KCNH1: variants seen among roughly 807,000 people sequenced by gnomAD.
KCNH1 encodes voltage-gated delayed rectifier potassium channel KCNH1.
In KCNH1, 27 loss-of-function variants were observed where a neutral mutation model predicts 69.2. The ratio of observed to expected loss-of-function variants is 0.39; its 90% confidence interval spans 0.29 to 0.54. The LOEUF is 0.54. Ranked by LOEUF, KCNH1 falls within the 20% of genes least tolerant of loss-of-function variation. KCNH1 has a pLI of 0.68. For synonymous variants in KCNH1, 456 were observed against 487.7 expected (o/e 0.93, Z 0.86); for missense variants, 798 against 1,261.6 (o/e 0.63, Z 5.57).
At chr1:210,979,649 T>A (rs1391968933) in intron 6 of KCNH1, among the ~76,000 whole-genome samples, 1 of 152,218 alleles carries the variant, frequency 6.6e-6, no homozygotes, top group Non-Finnish European at 1.5e-5. Flanking sequence ...GTCATTTTTA[T>A]AATTTTTCCT....
At chr1:211,123,715 A>C (rs1444716169) in intron 1 of KCNH1, among the ~76,000 whole-genome samples, 1 of 152,218 alleles carries the variant, frequency 6.6e-6, no homozygotes, top group African/African-American at 2.4e-5. Flanking sequence ...AGGCCCACAG[A>C]GTACAAAAGC....
intron 9 of KCNH1, among the ~76,000 whole-genome samples, chr1:210,783,071 T>C (rs1395841893): frequency 6.6e-6 from 1 of 152,208 alleles, no homozygotes; most frequent in Non-Finnish European, 1.5e-5. Flanking sequence ...GTTCAATAAA[T>C]AGTAGCCACC....
At position 210,683,214 on chromosome 1, in the gene KCNH1, T is replaced by G; in HGVS notation, c.*67A>C. 6.9e-7 allele frequency: 1 copy of G among 1,455,298 alleles called. No individual in the cohort carries two copies. The highest frequency in any genetic ancestry group is 9.3e-7 in the Non-Finnish European group (1 of 1,070,122). 90.1% of individuals were successfully genotyped at this position (1,455,298 alleles called of 1,614,324 possible). ...AAATTGTTGGTCATGTGGACATATG[T>G]GGTAGGGGTGGTGGTGACGGCAGGG... On this transcript the variant is annotated 3_prime_UTR_variant, in exon 11 of 11. Transcript: ENST00000271751. The surrounding 1 kb of genome is among the most constrained non-coding windows in gnomAD (Gnocchi z 5.7).
At chr1:211,040,025 T>C (rs372292448) in intron 5 of KCNH1, among the ~76,000 whole-genome samples, 17 of 151,684 alleles carry the variant, frequency 1.1e-4, no homozygotes, top group Non-Finnish European at 1.8e-4. Context: ...CCGTCTCTAC[T>C]AAAAAAATAC....
At chr1:211,047,087 T>C (rs1690105568) in intron 5 of KCNH1, among the ~76,000 whole-genome samples, 1 of 152,220 alleles carries the variant, frequency 6.6e-6, no homozygotes, top group South Asian at 2.1e-4. Flanking sequence ...ATGTTTTACA[T>C]TCTTTATTTC....
intron 10 of KCNH1, among the ~76,000 whole-genome samples, chr1:210,726,147 G>A (rs1412886571): frequency 6.6e-6 from 1 of 152,104 alleles, no homozygotes; most frequent in Non-Finnish European, 1.5e-5. Context: ...GCAAAAGGAG[G>A]TAGAGTCTCC....
chr1:210,942,910 T>A (rs1687898853), intron 6 of KCNH1, among the ~76,000 whole-genome samples: 1 of 152,154 alleles, frequency 6.6e-6, no homozygotes, highest in South Asian at 2.1e-4. Flanking sequence ...AAAACAAACA[T>A]GCCATTCAGA....
intron 5 of KCNH1, among the ~76,000 whole-genome samples, chr1:211,077,979 T>C (rs951084793): frequency 6.7e-6 from 1 of 149,326 alleles, no homozygotes; most frequent in East Asian, 1.9e-4. Context: ...TAGTCTCTGA[T>C]AAAAACAGAC....
At chr1:210,911,136 T>C (rs1325874098) in intron 7 of KCNH1, among the ~76,000 whole-genome samples, 1 of 152,190 alleles carries the variant, frequency 6.6e-6, no homozygotes, top group African/African-American at 2.4e-5. Context: ...CCTAAGCTGC[T>C]TGAAGTCTGG....
chr1:210,769,131 T>A (rs1033566290), intron 10 of KCNH1, among the ~76,000 whole-genome samples: 1 of 152,202 alleles, frequency 6.6e-6, no homozygotes, highest in Non-Finnish European at 1.5e-5. Flanking sequence ...TATGCAGATA[T>A]CATTTTTAAA....
At chr1:210,946,178 G>A (rs941151889) in intron 6 of KCNH1, among the ~76,000 whole-genome samples, 2 of 152,198 alleles carry the variant, frequency 1.3e-5, no homozygotes, top group African/African-American at 4.8e-5. Flanking sequence ...GCATCATGAA[G>A]GTGAGACTTT....
intron 5 of KCNH1, among the ~76,000 whole-genome samples, chr1:211,060,587 A>G (rs1690418159): frequency 6.6e-6 from 1 of 150,960 alleles, no homozygotes; most frequent in South Asian, 2.1e-4. Context: ...CTTTAGACTA[A>G]AAAAAAAGAA....
intron 10 of KCNH1, among the ~76,000 whole-genome samples, chr1:210,739,440 C>T (rs772415057): frequency 6.6e-6 from 1 of 152,170 alleles, no homozygotes; most frequent in Non-Finnish European, 1.5e-5. Context: ...CAGCTAGAGG[C>T]CCCCACTAGA....
chr1:211,068,014 G>A (rs1277575815), intron 5 of KCNH1, among the ~76,000 whole-genome samples: 3 of 152,212 alleles, frequency 2.0e-5, no homozygotes, highest in Non-Finnish European at 2.9e-5. Flanking sequence ...AAGGAGATAC[G>A]AGTTCTACAG....
intron 6 of KCNH1, among the ~76,000 whole-genome samples, chr1:210,977,587 C>G (rs980105990): frequency 6.6e-5 from 10 of 152,040 alleles, no homozygotes; most frequent in African/African-American, 2.4e-4. Context: ...CAGTATTTGT[C>G]TTCCTGTGCC....
At chr1:210,750,947 G>C (rs1356855264) in intron 10 of KCNH1, among the ~76,000 whole-genome samples, 1 of 152,234 alleles carries the variant, frequency 6.6e-6, no homozygotes, top group Non-Finnish European at 1.5e-5. Context: ...TAGAATCCAA[G>C]TTCTGGCACC....
chr1:210,911,479 T>C (rs547423571), intron 7 of KCNH1, among the ~76,000 whole-genome samples: 7 of 152,206 alleles, frequency 4.6e-5, no homozygotes, highest in African/African-American at 1.4e-4. Context: ...AATATTTTGC[T>C]TCTATGTCTG....
intron 7 of KCNH1, among the ~76,000 whole-genome samples, chr1:210,812,871 T>G (rs1684735458): frequency 6.6e-6 from 1 of 152,222 alleles, no homozygotes; most frequent in Non-Finnish European, 1.5e-5. Context: ...AACATTTCTC[T>G]TGATAAGGAA....
At position 210,719,332 on chromosome 1, in the gene KCNH1, A is replaced by C. The variant is rs190308215; in HGVS notation, c.2113-35194T>G. Among the ~76,000 whole-genome samples, 3 of 152,304 alleles carry C rather than the reference A, an allele frequency of 2.0e-5. No homozygotes were observed. The East Asian group carries it at 5.8e-4, about 29-fold the overall frequency. On this transcript the variant is annotated intron_variant, in intron 10 of 10. Transcript: ENST00000271751. ...GATAAAGATTCTGCTATTTGTAGGC[A>C]TGGGGACTTATAAGGAAACCTAAAC...
Sources: allele counts gnomAD v4.1 joint callset (sites outside exome capture counted in the v4.1 genomes callset), GRCh38; gene constraint gnomAD v4.1.1; non-coding constraint Gnocchi (gnomAD v3.1); transcripts MANE v1.5; gene names NCBI Gene and HGNC (gene_info 2026-07-23, HGNC 2026-07-21).